FAM227B: variants seen among roughly 807,000 people sequenced by gnomAD.
The protein encoded by FAM227B is family with sequence similarity 227 member B.
FAM227B carries 88 observed loss-of-function variants against 73.8 expected under a neutral mutation model. The observed-to-expected ratio is 1.19, with a 90% CI of 1.00 to 1.42. FAM227B has a LOEUF of 1.42. Among genes scored for constraint, FAM227B ranks in the 40% most tolerant of loss-of-function variants. FAM227B has a pLI of 0.00. For synonymous variants in FAM227B, 210 were observed against 190.5 expected, an observed-to-expected ratio of 1.10 and a Z score of -0.84; for missense variants, 632 against 590.9, an observed-to-expected ratio of 1.07 and a Z score of -0.72.
chr15:49,453,111 G>A (rs2052924780), intron 11 of FAM227B, among the ~76,000 whole-genome samples: 1 of 151,908 alleles, frequency 6.6e-6, no homozygotes, highest in African/African-American at 2.4e-5. Flanking sequence ...ATATTGCATT[G>A]AGGTCAACAA....
chr15:49,539,168 C>A (rs1001936951), intron 10 of FAM227B, among the ~76,000 whole-genome samples: 1 of 152,114 alleles, frequency 6.6e-6, no homozygotes, highest in Non-Finnish European at 1.5e-5. Flanking sequence ...GAGCATGCAA[C>A]AGCTTACATT....
intron 11 of FAM227B, among the ~76,000 whole-genome samples, chr15:49,468,752 A>G (rs2054481237): frequency 6.6e-6 from 1 of 152,202 alleles, no homozygotes; most frequent in Non-Finnish European, 1.5e-5. Context: ...CATTCCCTCC[A>G]GGCAGCAAAG....
chr15:49,534,641 T>A (rs1204641113), intron 10 of FAM227B, among the ~76,000 whole-genome samples: 1 of 151,812 alleles, frequency 6.6e-6, no homozygotes, highest in Non-Finnish European at 1.5e-5. Flanking sequence ...CCAACAGCAG[T>A]AGATCACACA....
chr15:49,421,098 G>A (rs1036659330), intron 11 of FAM227B, among the ~76,000 whole-genome samples: 1 of 152,192 alleles, frequency 6.6e-6, no homozygotes, highest in African/African-American at 2.4e-5. Flanking sequence ...GTATTCCTGT[G>A]CTTAATCTAT....
intron 13 of FAM227B, chr15:49,366,712 C>T: frequency 4.0e-6 from 5 of 1,264,186 alleles, no homozygotes; most frequent in East Asian, 4.7e-5. Context: ...GGTGGGGTGG[C>T]GCGGCGCGGC....
chr15:49,584,903 C>A (rs1598387312), intron 5 of FAM227B, among the ~76,000 whole-genome samples: 1 of 152,050 alleles, frequency 6.6e-6, no homozygotes, highest in East Asian at 1.9e-4. Flanking sequence ...AGTGAACAGG[C>A]AACCTACAGA....
intron 13 of FAM227B, chr15:49,343,578 G>C (rs747942946): frequency 6.6e-6 from 1 of 152,190 alleles, no homozygotes; most frequent in Non-Finnish European, 1.5e-5. Flanking sequence ...ATCCCAGGAA[G>C]TTTCTTCCCA....
At chr15:49,573,169 C>A (rs2075229393) in intron 8 of FAM227B, among the ~76,000 whole-genome samples, 1 of 151,706 alleles carries the variant, frequency 6.6e-6, no homozygotes, top group Non-Finnish European at 1.5e-5. Context: ...TTTTGATTTC[C>A]TTATTGATTC....
At chr15:49,532,435 T>C (rs967670557) in intron 10 of FAM227B, among the ~76,000 whole-genome samples, 1 of 151,892 alleles carries the variant, frequency 6.6e-6, no homozygotes, top group South Asian at 2.1e-4. Context: ...CAAACAATCA[T>C]TTAAAAAGAC....
intron 10 of FAM227B, among the ~76,000 whole-genome samples, chr15:49,533,254 G>A (rs1205149862): frequency 6.6e-6 from 1 of 151,696 alleles, no homozygotes; most frequent in African/African-American, 2.4e-5. Flanking sequence ...TATGATTTTA[G>A]CCTTCTTAAA....
At chr15:49,551,262 A>T (rs1598155488) in intron 9 of FAM227B, among the ~76,000 whole-genome samples, 1 of 73,582 alleles carries the variant, frequency 1.4e-5, no homozygotes, top group African/African-American at 6.4e-5. Flanking sequence ...AGCATGAGGG[A>T]GAGGGAGAGG....
chr15:49,584,096 T>C (rs1293948201), intron 5 of FAM227B, among the ~76,000 whole-genome samples: 1 of 152,168 alleles, frequency 6.6e-6, no homozygotes, highest in Admixed American at 6.5e-5. Flanking sequence ...TTGATGAACA[T>C]TGATGCAAAA....
intron 11 of FAM227B, among the ~76,000 whole-genome samples, chr15:49,471,484 AAATAATAATAAT>A (rs201297260): frequency 0.15 from 20,118 of 137,750 alleles, 1,769 homozygotes; most frequent in Non-Finnish European, 0.19. Flanking sequence ...CTCTATCTCA[AAATAATAATAAT>A]AATAATAATA....
At chr15:49,550,661 C>A (rs1275798877) in intron 9 of FAM227B, among the ~76,000 whole-genome samples, 2 of 151,482 alleles carry the variant, frequency 1.3e-5, no homozygotes, top group Non-Finnish European at 2.9e-5. Flanking sequence ...GGGGCAGAGG[C>A]TCTCCCCACA....
rs114609612 is a variant in FAM227B, at chr15:49,443,267, C to T, written c.1012+64944G>A. On this transcript the variant is annotated intron_variant, in intron 11 of 15. Transcript: ENST00000299338. ...AGTAATAAATACTCAAAACTCTTTA[C>T]TACTGAATTTCTTTACTATTATATA... is the stretch of plus-strand genomic sequence containing the variant. Among the ~76,000 whole-genome samples the T allele has an allele frequency of 5.6e-3, 847 of 151,576 alleles. 6 individuals are homozygous for T. Among genetic ancestry groups the T allele is most frequent in the African/African-American group, 0.019 (807 of 41,412 alleles).
intron 15 of FAM227B, chr15:49,329,310 T>C (rs185268010): frequency 3.0e-5 from 30 of 985,438 alleles, no homozygotes; most frequent in Middle Eastern, 5.2e-4. Flanking sequence ...GGATGGACTA[T>C]AGGAAGCACT....
chr15:49,614,608 A>C (rs2078168454), intron 2 of FAM227B, among the ~76,000 whole-genome samples: 3 of 152,322 alleles, frequency 2.0e-5, no homozygotes, highest in South Asian at 2.1e-4. Context: ...TAGTCTTAAA[A>C]CTTGAGAAAG....
intron 10 of FAM227B, among the ~76,000 whole-genome samples, chr15:49,511,884 T>C (rs1416278000): frequency 6.6e-6 from 1 of 152,150 alleles, no homozygotes; most frequent in African/African-American, 2.4e-5. Context: ...TTCTATGTCT[T>C]TGCTATAGTT....
intron 9 of FAM227B, among the ~76,000 whole-genome samples, chr15:49,558,726 A>AT (rs2073976160): frequency 6.6e-6 from 1 of 152,150 alleles, no homozygotes; most frequent in African/African-American, 2.4e-5. Flanking sequence ...GGTTAGCCTG[A>AT]TTCTGGCACA....
Sources: allele counts gnomAD v4.1 joint callset (sites outside exome capture counted in the v4.1 genomes callset), GRCh38; gene constraint gnomAD v4.1.1; transcripts MANE v1.5; gene names NCBI Gene and HGNC (gene_info 2026-07-23, HGNC 2026-07-21).